GASK1B: variants seen among roughly 807,000 people sequenced by gnomAD.
The protein encoded by GASK1B is Golgi-associated kinase 1B.
A neutral mutation model predicts 42.8 loss-of-function variants in GASK1B; 34 were observed. The observed-to-expected ratio is 0.79, with a 90% CI of 0.60 to 1.06. The LOEUF (loss-of-function observed/expected upper bound fraction) is 1.06. Among genes scored for constraint, GASK1B ranks in the 50% least tolerant of loss-of-function variants. GASK1B has a pLI of 0.00. For synonymous variants in GASK1B, 262 were observed against 259.1 expected (o/e 1.01, Z -0.11); for missense variants, 686 against 661.0 (o/e 1.04, Z -0.42).
intron 2 of GASK1B, chr4:158,169,891 T>C (rs1732391836): frequency 1.1e-5 from 3 of 266,136 alleles, no homozygotes; most frequent in South Asian, 5.8e-5. Context: ...CTAGTTAGTA[T>C]ACATACTGAA....
chr4:158,134,788 A>G (rs2110937098), intron 3 of GASK1B, among the ~76,000 whole-genome samples: 1 of 152,160 alleles, frequency 6.6e-6, no homozygotes, highest in Non-Finnish European at 1.5e-5. Context: ...GCATCTCATG[A>G]GTGATTCGAC....
At chr4:158,144,941 C>T (rs563332269) in intron 3 of GASK1B, among the ~76,000 whole-genome samples, 1 of 152,128 alleles carries the variant, frequency 6.6e-6, no homozygotes, top group East Asian at 1.9e-4. Flanking sequence ...TGTCCAGGAC[C>T]CTGGAGCACC....
rs1255822063 is a variant in GASK1B at position 158,126,724 on chromosome 4, T to C, written c.*683A>G. On this transcript the variant is annotated 3_prime_UTR_variant, in exon 5 of 5. Coordinates refer to ENST00000585682, the MANE Select transcript of GASK1B (RefSeq NM_001128424.2). ...AGAGTAAAACTCTTTAACATATAAA[T>C]TGTCAGATGTGAATGATTTCCATAG... is the stretch of plus-strand genomic sequence containing the variant. 1.3e-5 allele frequency: 2 copies of C among 152,118 alleles called. No individual in the cohort carries two copies. Among genetic ancestry groups the C allele is most frequent in the African/African-American group, 4.8e-5 (2 of 41,442 alleles). The allele number at this position is 152,118 out of a possible 1,614,324, so 9.4% of individuals were successfully genotyped here. A position where few individuals can be genotyped will look rare whatever the true frequency, so the allele number is the denominator to read the frequency against.
intron 2 of GASK1B, among the ~76,000 whole-genome samples, chr4:158,163,109 C>G (rs1732088458): frequency 1.3e-5 from 2 of 152,192 alleles, no homozygotes; most frequent in Admixed American, 6.5e-5. Flanking sequence ...AATAAGAGAT[C>G]TCGTTATTAT....
intron 3 of GASK1B, among the ~76,000 whole-genome samples, chr4:158,143,026 A>C (rs572052375): frequency 6.6e-6 from 1 of 152,370 alleles, no homozygotes; most frequent in Non-Finnish European, 1.5e-5. Flanking sequence ...GACACTTATG[A>C]AACAAAAATG....
At chr4:158,135,291 A>G (rs1730840000) in intron 3 of GASK1B, among the ~76,000 whole-genome samples, 1 of 144,196 alleles carries the variant, frequency 6.9e-6, no homozygotes, top group South Asian at 2.2e-4. Context: ...ATTGCACTCC[A>G]GCGTGGGCGA....
At chr4:158,143,909 TA>T (rs2110962255) in intron 3 of GASK1B, among the ~76,000 whole-genome samples, 1 of 152,300 alleles carries the variant, frequency 6.6e-6, no homozygotes, top group African/African-American at 2.4e-5. Context: ...AAATTAAACT[TA>T]GCATAATAAA....
intron 2 of GASK1B, among the ~76,000 whole-genome samples, chr4:158,159,360 A>G (rs544632927): frequency 2.0e-5 from 3 of 152,278 alleles, no homozygotes; most frequent in South Asian, 2.1e-4. Flanking sequence ...AGCAGTCAGC[A>G]TAACTCCAGA....
At chr4:158,156,065 G>T (rs1731748207) in intron 2 of GASK1B, among the ~76,000 whole-genome samples, 1 of 152,144 alleles carries the variant, frequency 6.6e-6, no homozygotes, top group South Asian at 2.1e-4. Flanking sequence ...ATTTAAACGA[G>T]ATATTTTATA....
chr4:158,133,572 T>C (rs1486100338), intron 3 of GASK1B, among the ~76,000 whole-genome samples: 1 of 152,240 alleles, frequency 6.6e-6, no homozygotes, highest in African/African-American at 2.4e-5. Context: ...TCAGTACTTC[T>C]GTAAACATTA....
At chr4:158,129,166 A>G (rs569777092) in intron 4 of GASK1B, among the ~76,000 whole-genome samples, 1 of 152,330 alleles carries the variant, frequency 6.6e-6, no homozygotes, top group Non-Finnish European at 1.5e-5. Flanking sequence ...CAAACCCATT[A>G]CTCCTCATAA....
intron 4 of GASK1B, among the ~76,000 whole-genome samples, chr4:158,129,421 G>C (rs537178032): frequency 1.3e-5 from 2 of 152,248 alleles, no homozygotes; most frequent in East Asian, 3.9e-4. Flanking sequence ...AATCCACAAA[G>C]AGATGTGAGA....
At chr4:158,150,702 T>C (rs1274422350) in intron 3 of GASK1B, among the ~76,000 whole-genome samples, 2 of 152,208 alleles carry the variant, frequency 1.3e-5, no homozygotes, top group Non-Finnish European at 2.9e-5. Context: ...ACAGAACTAG[T>C]ACATTAATAA....
intron 2 of GASK1B, among the ~76,000 whole-genome samples, chr4:158,157,534 C>T (rs1358501145): frequency 6.6e-6 from 1 of 152,088 alleles, no homozygotes; most frequent in Non-Finnish European, 1.5e-5. Flanking sequence ...ATAGAAAACA[C>T]ACACACAGCC....
chr4:158,145,399 T>C (rs1415024639), intron 3 of GASK1B, among the ~76,000 whole-genome samples: 2 of 152,170 alleles, frequency 1.3e-5, no homozygotes, highest in Admixed American at 6.5e-5. Context: ...TTGTTGTCTA[T>C]TGAATTTATG....
Position 158,170,872 on chromosome 4 carries a change from C to T in GASK1B, c.504G>A (p.Gln168=). Residue 168 remains glutamine (Q), a synonymous_variant, in exon 2 of 5, where the codon CAG becomes CAA. Coordinates refer to ENST00000585682, the MANE Select transcript of GASK1B (RefSeq NM_001128424.2). The stretch of plus-strand genomic sequence containing the variant: ...CTCCAATCTTAACCAGGTTTGCTCC[C>T]TGAGCGTACCCAGGTGCTACAGCAT... ...EADAVAPGYA[Q]GANLVKIGER... 8.1e-6 allele frequency: 13 copies of T among 1,614,260 alleles called. No individual in the cohort carries two copies. The highest frequency in any genetic ancestry group is 1.1e-5 in the Non-Finnish European group (13 of 1,180,044).
intron 3 of GASK1B, among the ~76,000 whole-genome samples, chr4:158,131,393 C>T (rs900019031): frequency 2.0e-5 from 3 of 152,222 alleles, no homozygotes; most frequent in Admixed American, 2.0e-4. Context: ...TGTTTTCTCC[C>T]TCAGGTGGCT....
intron 3 of GASK1B, among the ~76,000 whole-genome samples, chr4:158,154,670 T>C (rs1731690673): frequency 6.6e-6 from 1 of 152,202 alleles, no homozygotes; most frequent in Non-Finnish European, 1.5e-5. Flanking sequence ...AGAATACTAC[T>C]GATGCATAAA....
chr4:158,167,017 A>G (rs529079976), intron 2 of GASK1B, among the ~76,000 whole-genome samples: 38 of 152,298 alleles, frequency 2.5e-4, no homozygotes, highest in Non-Finnish European at 3.8e-4. Flanking sequence ...TAAAAAGTCT[A>G]CTGCATAGGA....
Sources: gnomAD v4.1 joint callset for allele counts (sites outside exome capture counted in the v4.1 genomes callset) on GRCh38, gnomAD v4.1.1 for gene constraint, MANE v1.5 for transcripts, NCBI Gene and HGNC (gene_info 2026-07-23, HGNC 2026-07-21) for gene names.